The following ERAP1 variants were observed in gnomAD, a reference collection of about 807,000 sequenced individuals.
ERAP1 encodes endoplasmic reticulum aminopeptidase 1, also known as adipocyte-derived leucine aminopeptidase.
A neutral mutation model predicts 103.7 loss-of-function variants in ERAP1; 86 were observed. That is an observed-to-expected ratio of 0.83 (90% CI 0.70 to 0.99). The LOEUF (loss-of-function observed/expected upper bound fraction) is 0.99, where lower values mean the gene tolerates loss of function less well. ERAP1 is among the 50% of genes least tolerant of loss of function. ERAP1 has a pLI of 0.00. For missense variants in ERAP1, 1,009 were observed against 1,128.4 expected, an observed-to-expected ratio of 0.89 and a Z score of 1.52; for synonymous variants, 398 against 402.4, an observed-to-expected ratio of 0.99 and a Z score of 0.13.
At chr5:96,850,326 T>G in the ERAP1 span, among the ~76,000 whole-genome samples, 1 of 152,094 alleles carries the variant, frequency 6.6e-6, no homozygotes, top group Non-Finnish European at 1.5e-5. Flanking sequence ...AGAAAATATT[T>G]GCAAATTATA....
the ERAP1 span, among the ~76,000 whole-genome samples, chr5:96,891,250 A>G: frequency 1.3e-5 from 2 of 151,950 alleles, no homozygotes; most frequent in Non-Finnish European, 2.9e-5. Context: ...AGCTAGCAGA[A>G]CTCAAAGACT....
At chr5:96,884,244 C>T in the ERAP1 span, among the ~76,000 whole-genome samples, 1 of 152,080 alleles carries the variant, frequency 6.6e-6, no homozygotes, top group African/African-American at 2.4e-5. Context: ...TCAGAATTTC[C>T]TAGAGCAGTA....
At chr5:96,776,759 CTTTT>C (rs1316875912) in intron 18 of ERAP1, 5 of 639,930 alleles carry the variant, frequency 7.8e-6, no homozygotes, top group Admixed American at 6.5e-5. Context: ...GTCTGCAGTT[CTTTT>C]GTTTATTCTC....
chr5:96,767,328 A>C, intron 19 of ERAP1: 1 of 798,806 alleles, frequency 1.3e-6, no homozygotes, highest in Non-Finnish European at 2.1e-6. Context: ...GCAAGTCTAC[A>C]CTCCATTTTA....
At chr5:96,902,003 A>C in the ERAP1 span, among the ~76,000 whole-genome samples, 1 of 152,234 alleles carries the variant, frequency 6.6e-6, no homozygotes, top group South Asian at 2.1e-4. Context: ...AGAAATTGTT[A>C]TGGTATGAGA....
the ERAP1 span, among the ~76,000 whole-genome samples, chr5:96,865,377 A>G: frequency 0.088 from 13,348 of 152,226 alleles, 685 homozygotes; most frequent in Middle Eastern, 0.15. Flanking sequence ...CTCCTGTTCC[A>G]ATTGTAAATA....
the ERAP1 span, chr5:96,896,965 T>TAAGACATATGTTGGGTAACGATAGACTG: frequency 1.0e-6 from 1 of 987,684 alleles, no homozygotes; most frequent in Non-Finnish European, 1.4e-6. Context: ...GTCAACCATA[T>TAAGACATATGTTGGGTAACGATAGACTG]TTATTCTGCT....
At chr5:96,896,769 G>A in the ERAP1 span, 7 of 1,501,788 alleles carry the variant, frequency 4.7e-6, no homozygotes, top group East Asian at 2.6e-5. Flanking sequence ...GATTTTCTGG[G>A]TGAGGAGAAA....
At position 96,780,452 on chromosome 5, in the gene ERAP1, G is replaced by C; in HGVS notation, c.2641C>G (p.Gln881Glu). The C allele has an allele frequency of 6.2e-7, 1 of 1,610,450 alleles. No individual in the cohort carries two copies. The change falls in exon 18 of 19, where the codon CAA becomes GAA. Residue 881 changes from glutamine to glutamate, a missense_variant. Around this residue, in one of 3 missense-constraint regions of ERAP1, gnomAD observed 611 missense variants for 651.7 expected, o/e 0.94. Transcript: ENST00000443439. ...TCAAGCCGTGTTCTTGTGGAGAATT[G>C]ATTTGTTGTACCCATTACCATGTGG... Reference protein sequence around the residue: ...IAHMVMGTTNQFSTRTRLEEV... With the variant: ...IAHMVMGTTNEFSTRTRLEEV...
chr5:96,835,917 A>G, the ERAP1 span, among the ~76,000 whole-genome samples: 251 of 152,234 alleles, frequency 1.6e-3, 1 homozygote, highest in African/African-American at 5.8e-3. Context: ...CTGCAGGCAT[A>G]CTCTATCCAA....
At chr5:96,880,014 T>A in the ERAP1 span, 7 of 1,614,174 alleles carry the variant, frequency 4.3e-6, no homozygotes, top group Non-Finnish European at 5.9e-6. Flanking sequence ...TTTATCATCT[T>A]GCACAGCAAA....
At chr5:96,912,971 AG>A in the ERAP1 span, among the ~76,000 whole-genome samples, 1 of 152,260 alleles carries the variant, frequency 6.6e-6, no homozygotes, top group Non-Finnish European at 1.5e-5. Context: ...TAGTGAAAAC[AG>A]GTATTCCCTA....
intron 2 of ERAP1, among the ~76,000 whole-genome samples, chr5:96,802,147 T>C (rs975717913): frequency 1.9e-4 from 29 of 152,146 alleles, no homozygotes; most frequent in Admixed American, 6.5e-5. Context: ...ATTTTACTTC[T>C]AGGCATTTAT....
the ERAP1 span, among the ~76,000 whole-genome samples, chr5:96,832,470 C>T: frequency 0.025 from 3,816 of 152,280 alleles, 56 homozygotes; most frequent in Middle Eastern, 0.051. Flanking sequence ...TATATAATAG[C>T]TGCAAAAGAC....
the ERAP1 span, among the ~76,000 whole-genome samples, chr5:96,923,994 A>G: frequency 0.07 from 10,689 of 152,186 alleles, 444 homozygotes; most frequent in Middle Eastern, 0.15. Context: ...GGGTAGGAGG[A>G]AATTAAGGGC....
At chr5:96,836,858 C>G in the ERAP1 span, among the ~76,000 whole-genome samples, 6 of 152,158 alleles carry the variant, frequency 3.9e-5, no homozygotes, top group South Asian at 6.2e-4. Context: ...ATGTACTTAC[C>G]TTGTTTTGAT....
chr5:96,880,321 C>T, the ERAP1 span: 1 of 1,432,150 alleles, frequency 7.0e-7, no homozygotes, highest in Non-Finnish European at 9.5e-7. Flanking sequence ...AGTTACATCT[C>T]TTTGCCAGGA....
the ERAP1 span, chr5:96,879,564 A>G: frequency 1.6e-4 from 112 of 691,224 alleles, no homozygotes; most frequent in South Asian, 2.2e-3. Context: ...TTTCTTCTAG[A>G]TTAAATTCAT....
chr5:96,866,422 CAAAT>C, the ERAP1 span, among the ~76,000 whole-genome samples: 2 of 152,152 alleles, frequency 1.3e-5, no homozygotes, highest in Non-Finnish European at 2.9e-5. Context: ...GTGTGGAAAA[CAAAT>C]AGACAAACAT....
Sources: gnomAD v4.1 joint callset for allele counts (sites outside exome capture counted in the v4.1 genomes callset) on GRCh38, gnomAD v4.1.1 for gene constraint, gnomAD v4.1.1 regional missense constraint, MANE v1.5 for transcripts, NCBI Gene and HGNC (gene_info 2026-07-23, HGNC 2026-07-21) for gene names.